The following FHOD3 variants were observed in gnomAD, a reference collection of about 807,000 sequenced individuals.
FHOD3 encodes formin homology 2 domain containing 3, also known as FH1/FH2 domain-containing protein 3.
Under a neutral mutation model 173.0 loss-of-function variants are expected in FHOD3, and 90 were observed. That is an observed-to-expected ratio of 0.52 (90% CI 0.44 to 0.62). FHOD3 has a LOEUF of 0.62. Ranked by LOEUF, FHOD3 falls within the 20% of genes least tolerant of loss-of-function variation. FHOD3 has a pLI of 0.00. For synonymous variants in FHOD3, 828 were observed against 823.0 expected (o/e 1.01, Z -0.10); for missense variants, 1,945 against 2,034.7 (o/e 0.96, Z 0.85).
intron 4 of FHOD3, among the ~76,000 whole-genome samples, chr18:36,502,630 TCATC>T (rs2055097669): frequency 6.6e-6 from 1 of 152,206 alleles, no homozygotes; most frequent in African/African-American, 2.4e-5. Context: ...CACATTTTCT[TCATC>T]CAGTCTACCA....
At chr18:36,548,325 T>A (rs977458652) in intron 5 of FHOD3, among the ~76,000 whole-genome samples, 5 of 152,252 alleles carry the variant, frequency 3.3e-5, no homozygotes, top group Non-Finnish European at 7.3e-5. Flanking sequence ...GTTATGGTGA[T>A]ATTTCCTGTT....
At chr18:36,376,908 G>T (rs922085478) in intron 3 of FHOD3, among the ~76,000 whole-genome samples, 1 of 152,236 alleles carries the variant, frequency 6.6e-6, no homozygotes, top group South Asian at 2.1e-4. Context: ...ACAGCCAGCC[G>T]ATTTAGGAGC....
At chr18:36,675,677 A>G (rs1039781812) in intron 14 of FHOD3, among the ~76,000 whole-genome samples, 16 of 152,142 alleles carry the variant, frequency 1.1e-4, no homozygotes, top group Non-Finnish European at 1.5e-5. Flanking sequence ...TACCTTAGAG[A>G]ATAGGCTGGG....
At chr18:36,756,240 C>T (rs931238802) in intron 25 of FHOD3, among the ~76,000 whole-genome samples, 1 of 152,172 alleles carries the variant, frequency 6.6e-6, no homozygotes, top group Non-Finnish European at 1.5e-5. Context: ...TTTATTCTTT[C>T]TTGAACAGAC....
At chr18:36,299,448 T>A (rs917432004) in intron 1 of FHOD3, among the ~76,000 whole-genome samples, 1 of 152,250 alleles carries the variant, frequency 6.6e-6, no homozygotes, top group Admixed American at 6.5e-5. Context: ...ATCATGATTA[T>A]TCAGGCCACT....
chr18:36,423,324 G>C lies in FHOD3; in HGVS notation c.337+50580G>C, dbSNP rs564334301. On this transcript the variant is annotated intron_variant, in intron 3 of 28. Coordinates refer to ENST00000590592, the MANE Select transcript of FHOD3 (RefSeq NM_001281740.3). Reference sequence around the variant, plus strand: ...TTGGGTTTGACTAGAAAATGAGCAGGTGTGGAAAAGGAGGTTGGAAATGGT... The same window carrying C: ...TTGGGTTTGACTAGAAAATGAGCAGCTGTGGAAAAGGAGGTTGGAAATGGT... 7.2e-4 allele frequency among the ~76,000 whole-genome samples: 109 copies of C among 152,296 alleles called. 1 individual carries two copies. The highest frequency in any genetic ancestry group is 2.4e-3 in the African/African-American group (101 of 41,542).
intron 3 of FHOD3, among the ~76,000 whole-genome samples, chr18:36,434,855 G>T (rs1027875184): frequency 6.6e-6 from 1 of 151,940 alleles, no homozygotes; most frequent in Admixed American, 6.6e-5. Context: ...CTCATATATA[G>T]AAATAAAATT....
At chr18:36,606,851 C>A (rs2032132462) in intron 8 of FHOD3, among the ~76,000 whole-genome samples, 1 of 152,108 alleles carries the variant, frequency 6.6e-6, no homozygotes, top group Admixed American at 6.5e-5. Context: ...GTCCAAAGCC[C>A]AAGAGAGGAA....
chr18:36,604,798 A>C (rs1263808265), intron 8 of FHOD3, among the ~76,000 whole-genome samples: 2 of 152,228 alleles, frequency 1.3e-5, no homozygotes, highest in African/African-American at 4.8e-5. Context: ...TATTTACAAA[A>C]TGAAAATCAC....
intron 5 of FHOD3, among the ~76,000 whole-genome samples, chr18:36,524,809 G>A (rs1164823922): frequency 1.3e-5 from 2 of 152,122 alleles, no homozygotes; most frequent in Non-Finnish European, 2.9e-5. Context: ...ATGGTTGGGG[G>A]CTTCTAAATA....
chr18:36,646,612 G>T (rs1318597415), intron 10 of FHOD3, among the ~76,000 whole-genome samples: 1 of 152,182 alleles, frequency 6.6e-6, no homozygotes, highest in Non-Finnish European at 1.5e-5. Flanking sequence ...TTACTAAATG[G>T]TTCTGGGCCA....
chr18:36,359,029 G>C (rs1054232936), intron 2 of FHOD3, among the ~76,000 whole-genome samples: 1 of 152,212 alleles, frequency 6.6e-6, no homozygotes, highest in Non-Finnish European at 1.5e-5. Flanking sequence ...GACAAAGTCT[G>C]TGTGTCTCCC....
At chr18:36,355,812 C>T (rs1334067135) in intron 2 of FHOD3, among the ~76,000 whole-genome samples, 167 bp downstream of exon 2, 2 of 152,222 alleles carry the variant, frequency 1.3e-5, no homozygotes, top group African/African-American at 4.8e-5. Context: ...ACTGCAGACC[C>T]GTTTCCATTT....
intron 5 of FHOD3, among the ~76,000 whole-genome samples, chr18:36,516,792 G>A (rs1233458274): frequency 1.3e-5 from 2 of 152,184 alleles, no homozygotes; most frequent in South Asian, 2.1e-4. Context: ...ATTGCAAACC[G>A]TAAGTTGGGT....
At chr18:36,598,040 T>A (rs2030764584) in intron 7 of FHOD3, among the ~76,000 whole-genome samples, 1 of 152,188 alleles carries the variant, frequency 6.6e-6, no homozygotes, top group Non-Finnish European at 1.5e-5. Flanking sequence ...CTTCCAGGTG[T>A]GTTTCCATCT....
intron 16 of FHOD3, among the ~76,000 whole-genome samples, chr18:36,689,530 A>G (rs1481451236): frequency 6.6e-6 from 1 of 152,236 alleles, no homozygotes; most frequent in Non-Finnish European, 1.5e-5. Context: ...GCAATGGTGC[A>G]GACCAGGAGT....
At chr18:36,568,395 A>G (rs1168517706) in intron 5 of FHOD3, among the ~76,000 whole-genome samples, 2 of 150,728 alleles carry the variant, frequency 1.3e-5, no homozygotes, top group Non-Finnish European at 3.0e-5. Context: ...CAGGGAACCT[A>G]AAAGTATCAG....
chr18:36,765,011 G>A (rs2043079336), intron 27 of FHOD3, among the ~76,000 whole-genome samples: 1 of 152,176 alleles, frequency 6.6e-6, no homozygotes, highest in South Asian at 2.1e-4. Context: ...GGAAAGAGAA[G>A]CCAGCAGAAT....
At chr18:36,326,383 A>G (rs768264206) in intron 1 of FHOD3, among the ~76,000 whole-genome samples, 1 of 152,240 alleles carries the variant, frequency 6.6e-6, no homozygotes, top group Non-Finnish European at 1.5e-5. Flanking sequence ...TGTTTCTCAT[A>G]TATGAAGTCA....
Sources: allele counts gnomAD v4.1 joint callset (sites outside exome capture counted in the v4.1 genomes callset), GRCh38; gene constraint gnomAD v4.1.1; transcripts MANE v1.5; gene names NCBI Gene and HGNC (gene_info 2026-07-23, HGNC 2026-07-21).